The following AGAP1 variants were observed in gnomAD, a reference collection of about 807,000 sequenced individuals.
AGAP1 encodes the protein arf-GAP with GTPase, ANK repeat and PH domain-containing protein 1.
AGAP1 carries 29 observed loss-of-function variants against 105.3 expected under a neutral mutation model. That is an observed-to-expected ratio of 0.28 (90% CI 0.21 to 0.38). The LOEUF (loss-of-function observed/expected upper bound fraction) is 0.38. Ranked by LOEUF, AGAP1 falls within the 10% of genes least tolerant of loss-of-function variation. The pLI, the probability that AGAP1 is intolerant of heterozygous loss-of-function variation, is 1.00. For synonymous variants in AGAP1, 509 were observed against 485.9 expected, an observed-to-expected ratio of 1.05 and a Z score of -0.63; for missense variants, 998 against 1,165.1, an observed-to-expected ratio of 0.86 and a Z score of 2.09.
chr2:235,773,928 A>G (rs1171038711), intron 6 of AGAP1: 3 of 466,382 alleles, frequency 6.4e-6, no homozygotes, highest in East Asian at 7.0e-5. Context: ...ACGTTTGAAG[A>G]CAATCAACTC....
At position 235,665,375 on chromosome 2, in the gene AGAP1, C is replaced by A. The variant is rs1948093520; in HGVS notation, c.164-43804C>A. On this transcript the variant is annotated intron_variant, in intron 1 of 17. Coordinates refer to ENST00000304032, the MANE Select transcript of AGAP1 (RefSeq NM_001037131.3). The surrounding 1 kb of genome is among the most constrained non-coding windows in gnomAD (Gnocchi z 5.3). Reference sequence around the variant, plus strand: ...AGACAGACCATACTTGTCCTTCCTCCACTAGCAGATAAGGGTCAAGTCCTC... The same window carrying A: ...AGACAGACCATACTTGTCCTTCCTCAACTAGCAGATAAGGGTCAAGTCCTC... Among the ~76,000 whole-genome samples, 3 of 152,150 alleles carry A rather than the reference C, an allele frequency of 2.0e-5. No individual in the cohort carries two copies. The highest frequency in any genetic ancestry group is 7.2e-5 in the African/African-American group (3 of 41,444).
At chr2:235,650,575 C>T (rs1947549196) in intron 1 of AGAP1, among the ~76,000 whole-genome samples, 1 of 152,154 alleles carries the variant, frequency 6.6e-6, no homozygotes, top group African/African-American at 2.4e-5. Flanking sequence ...ACTCTGCAGT[C>T]TCATGCTGTG....
At chr2:235,676,007 A>G (rs1477998458) in intron 1 of AGAP1, among the ~76,000 whole-genome samples, 1 of 152,208 alleles carries the variant, frequency 6.6e-6, no homozygotes, top group East Asian at 1.9e-4. Flanking sequence ...GAGCTGTAAG[A>G]CCCAATTATA....
rs376948723 is a variant in AGAP1 at position 235,870,536 on chromosome 2, G to A, written c.1051-12809G>A. Among the ~76,000 whole-genome samples, 41 of 152,226 alleles carry A rather than the reference G, an allele frequency of 2.7e-4. 1 individual carries two copies. The highest frequency in any genetic ancestry group is 9.4e-4 in the African/African-American group (39 of 41,528). On this transcript the variant is annotated intron_variant, in intron 9 of 17. Transcript: ENST00000304032. The stretch of plus-strand genomic sequence containing the variant: ...ATCTACTTCGGAGGCTGAGGCAGGA[G>A]AATCACTTGAACCTGAGAGGTGGAG...
At chr2:235,823,872 A>G (rs1958934879) in intron 9 of AGAP1, among the ~76,000 whole-genome samples, 1 of 152,198 alleles carries the variant, frequency 6.6e-6, no homozygotes, top group South Asian at 2.1e-4. Context: ...TAGCAGGCTC[A>G]TTGATTCCCA....
At chr2:235,585,580 G>C (rs115033853) in intron 1 of AGAP1, among the ~76,000 whole-genome samples, 1 of 152,288 alleles carries the variant, frequency 6.6e-6, no homozygotes, top group African/African-American at 2.4e-5. Context: ...TTAGTATTTT[G>C]TCTCTTTGAG....
chr2:235,891,619 C>T lies in AGAP1; in HGVS notation c.1155+8170C>T, dbSNP rs569966327. On this transcript the variant is annotated intron_variant, in intron 10 of 17. Transcript: ENST00000304032. The surrounding 1 kb of genome is among the most constrained non-coding windows in gnomAD (Gnocchi z 4.2). Reference sequence around the variant, plus strand: ...ATGTCGCAAGCACGGCCGTCGAGTGCAAGGCTGCAATTCCCTGCTGACAAA... The same window carrying T: ...ATGTCGCAAGCACGGCCGTCGAGTGTAAGGCTGCAATTCCCTGCTGACAAA... Among the ~76,000 whole-genome samples the T allele has an allele frequency of 1.2e-4, 19 of 152,190 alleles. No individual in the cohort carries two copies. Among genetic ancestry groups the T allele is most frequent in the Non-Finnish European group, 2.8e-4 (19 of 68,038 alleles).
At position 235,751,541 on chromosome 2, in the gene AGAP1, C is replaced by T. The variant is rs1953441141; in HGVS notation, c.673+1053C>T. ...GAAAGCAGTGGCTGCAGGACTGTTC[C>T]CGGGACTTCCTCCAAATGGGGCAAT... On this transcript the variant is annotated intron_variant, in intron 6 of 17. Transcript: ENST00000304032. This position sits in a 1 kb window ranked among gnomAD's most constrained non-coding sequence, Gnocchi z 5.3. Among the ~76,000 whole-genome samples the T allele has an allele frequency of 6.6e-6, 1 of 152,104 alleles. No homozygotes were observed. The highest frequency in any genetic ancestry group is 2.4e-5 in the African/African-American group (1 of 41,424).
chr2:236,115,485 T>A (rs2059748787), intron 16 of AGAP1, among the ~76,000 whole-genome samples: 1 of 152,234 alleles, frequency 6.6e-6, no homozygotes, highest in Non-Finnish European at 1.5e-5. Flanking sequence ...GGCTTTTCCC[T>A]GCCTTTGGGC....
At position 235,734,778 on chromosome 2, in the gene AGAP1, T is replaced by C. The variant is rs974297854; in HGVS notation, c.311-6185T>C. Among the ~76,000 whole-genome samples the C allele has an allele frequency of 3.9e-5, 6 of 152,136 alleles. No individual in the cohort carries two copies. The highest frequency in any genetic ancestry group is 1.3e-4 in the Admixed American group (2 of 15,276). ...GCAGCAAACACGGAGGCTGCCGGCT[T>C]TGTTTCTGTAGGGCTTGTCTTAGCA... On this transcript the variant is annotated intron_variant, in intron 3 of 17. Transcript: ENST00000304032. The surrounding 1 kb of genome is among the most constrained non-coding windows in gnomAD (Gnocchi z 5.3).
rs1165367288 is a variant in AGAP1 at position 235,928,722 on chromosome 2, T to A, written c.1325-2043T>A. ...GATGCTGCCTTCTGTGGGGTCTGAATGCCCTATTGTAATAGGGATCTGGCT... is the reference window on the plus strand; with the variant it reads ...GATGCTGCCTTCTGTGGGGTCTGAAAGCCCTATTGTAATAGGGATCTGGCT... On this transcript the variant is annotated intron_variant, in intron 11 of 17. Coordinates refer to ENST00000304032, the MANE Select transcript of AGAP1 (RefSeq NM_001037131.3). Among the ~76,000 whole-genome samples the A allele has an allele frequency of 5.9e-5, 9 of 152,264 alleles. No individual in the cohort carries two copies. In the South Asian group the frequency reaches 1.9e-3, roughly 32 times the overall value.
intron 6 of AGAP1, among the ~76,000 whole-genome samples, chr2:235,776,439 G>C (rs1395847025): frequency 6.6e-6 from 1 of 152,198 alleles, no homozygotes; most frequent in Non-Finnish European, 1.5e-5. Flanking sequence ...TCTTGCCTGT[G>C]ACAGAGCTCA....
Position 235,733,893 on chromosome 2 carries a change from CA to C in AGAP1, c.311-7067del, listed in dbSNP as rs1325687955. Among the ~76,000 whole-genome samples, 3 of 151,982 alleles carry C rather than the reference CA, an allele frequency of 2.0e-5. No homozygotes were observed. Among genetic ancestry groups the C allele is most frequent in the Non-Finnish European group, 4.4e-5 (3 of 67,990 alleles). ...ATCTGATTTGGCTAAATTTTGTAAA[CA>C]AAGATGTTACCAATAAAACCTTTTT... On this transcript the variant is annotated intron_variant, in intron 3 of 17. Coordinates refer to ENST00000304032, the MANE Select transcript of AGAP1 (RefSeq NM_001037131.3). This position sits in a 1 kb window ranked among gnomAD's most constrained non-coding sequence, Gnocchi z 5.0.
rs1329232554 is a variant in AGAP1, at chr2:235,691,436, C to T, written c.164-17743C>T. On this transcript the variant is annotated intron_variant, in intron 1 of 17. Coordinates refer to ENST00000304032, the MANE Select transcript of AGAP1 (RefSeq NM_001037131.3). The surrounding 1 kb of genome is among the most constrained non-coding windows in gnomAD (Gnocchi z 4.4). ...AGAAGCAAAAGTAGATTTAACACAT[C>T]TTTAAAATCCGCTGAAGACTGTAAA... Among the ~76,000 whole-genome samples, 3 of 152,246 alleles carry T rather than the reference C, an allele frequency of 2.0e-5. No individual in the cohort carries two copies. The highest frequency in any genetic ancestry group is 7.2e-5 in the African/African-American group (3 of 41,470).
rs10571046 is a variant in AGAP1 at position 235,845,602 on chromosome 2, ACCC to A, written c.1051-37735_1051-37733del. ...TTTCCTTCCAGTTATTCCTTTCCTG[ACCC>A]CCCCCCCGATCTGCTTTTTAATTTC... On this transcript the variant is annotated intron_variant, in intron 9 of 17. Coordinates refer to ENST00000304032, the MANE Select transcript of AGAP1 (RefSeq NM_001037131.3). The surrounding 1 kb of genome is among the most constrained non-coding windows in gnomAD (Gnocchi z 4.8). 1.1e-4 allele frequency among the ~76,000 whole-genome samples: 16 copies of A among 150,566 alleles called. No homozygotes were observed. Among genetic ancestry groups the A allele is most frequent in the African/African-American group, 3.7e-4 (15 of 40,810 alleles).
rs1269217863 is a variant in AGAP1 at position 235,864,789 on chromosome 2, G to A, written c.1051-18556G>A. 6.6e-6 allele frequency among the ~76,000 whole-genome samples: 1 copy of A among 152,160 alleles called. No individual in the cohort carries two copies. Among genetic ancestry groups the A allele is most frequent in the Non-Finnish European group, 1.5e-5 (1 of 68,034 alleles). On this transcript the variant is annotated intron_variant, in intron 9 of 17. Transcript: ENST00000304032. The surrounding 1 kb of genome is among the most constrained non-coding windows in gnomAD (Gnocchi z 5.0). ...TCCTTTTCTTTTCTTTCCTTTGGAT[G>A]GAGGAGGTTTGGTTTGGTCTTAGTA...
rs2057378358 is a variant in AGAP1, at chr2:236,036,250, A to C, written c.1646-311A>C. On this transcript the variant is annotated intron_variant, in intron 13 of 17. Transcript: ENST00000304032. The surrounding 1 kb of genome is among the most constrained non-coding windows in gnomAD (Gnocchi z 5.7). Reference sequence around the variant, plus strand: ...ATAAGGATGGTCAGCCATGAGTTACATGGTTATTCTCCTAAGTTGCTTTGT... The same window carrying C: ...ATAAGGATGGTCAGCCATGAGTTACCTGGTTATTCTCCTAAGTTGCTTTGT... Among the ~76,000 whole-genome samples, 1 of 152,162 alleles carries C rather than the reference A, an allele frequency of 6.6e-6. No homozygotes were observed. Among genetic ancestry groups the C allele is most frequent in the Admixed American group, 6.5e-5 (1 of 15,276 alleles).
chr2:235,675,719 A>G (rs985522743), intron 1 of AGAP1, among the ~76,000 whole-genome samples: 3 of 152,200 alleles, frequency 2.0e-5, no homozygotes, highest in African/African-American at 7.2e-5. Flanking sequence ...TACTTGGGGT[A>G]CAAGGAAGAG....
Position 235,705,366 on chromosome 2 carries a change from A to C in AGAP1, c.164-3813A>C, listed in dbSNP as rs1950488084. The stretch of plus-strand genomic sequence containing the variant: ...CAGGTGTGCACACATCCGGATGTGC[A>C]TCCACACACTCATGCGCATATGCCC... On this transcript the variant is annotated intron_variant, in intron 1 of 17. Coordinates refer to ENST00000304032, the MANE Select transcript of AGAP1 (RefSeq NM_001037131.3). The surrounding 1 kb of genome is among the most constrained non-coding windows in gnomAD (Gnocchi z 4.9). 6.6e-6 allele frequency among the ~76,000 whole-genome samples: 1 copy of C among 152,178 alleles called. No individual in the cohort carries two copies.
Sources: allele counts gnomAD v4.1 joint callset (sites outside exome capture counted in the v4.1 genomes callset), GRCh38; gene constraint gnomAD v4.1.1; non-coding constraint Gnocchi (gnomAD v3.1); transcripts MANE v1.5; gene names NCBI Gene and HGNC (gene_info 2026-07-23, HGNC 2026-07-21).